The following KIRREL3 variants were observed in gnomAD, a reference collection of about 807,000 sequenced individuals.
KIRREL3 encodes the protein kirre like nephrin family adhesion molecule 3, also known as kin of IRRE-like protein 3.
KIRREL3 carries 36 observed loss-of-function variants against 89.7 expected under a neutral mutation model. The ratio of observed to expected loss-of-function variants is 0.40; its 90% CI spans 0.31 to 0.53. The LOEUF (loss-of-function observed/expected upper bound fraction) is 0.53. KIRREL3 is among the 20% of genes least tolerant of loss of function. The pLI, the probability that KIRREL3 is intolerant of heterozygous loss-of-function variation, is 0.49. For synonymous variants in KIRREL3, 445 were observed against 441.4 expected (o/e 1.01, Z -0.10); for missense variants, 864 against 1,056.6 (o/e 0.82, Z 2.53).
At chr11:126,634,304 C>T (rs1591847680) in intron 1 of KIRREL3, among the ~76,000 whole-genome samples, 1 of 152,224 alleles carries the variant, frequency 6.6e-6, no homozygotes, top group Admixed American at 6.5e-5. Flanking sequence ...ATGACATGCA[C>T]TTTCCATGCA....
intron 1 of KIRREL3, among the ~76,000 whole-genome samples, chr11:126,966,011 T>G (rs1015353768): frequency 6.6e-6 from 1 of 152,192 alleles, no homozygotes; most frequent in Non-Finnish European, 1.5e-5. Context: ...ACCATTTGGT[T>G]CACTTGAAAA....
chr11:126,907,238 G>C (rs908707154), intron 1 of KIRREL3, among the ~76,000 whole-genome samples: 37 of 152,210 alleles, frequency 2.4e-4, no homozygotes, highest in Non-Finnish European at 1.2e-4. Flanking sequence ...AGCTCCAGGT[G>C]CCTCCCAAGT....
At position 126,497,944 on chromosome 11, in the gene KIRREL3, C is replaced by T. The variant is rs546975359; in HGVS notation, c.433+23371G>A. 9.9e-5 allele frequency among the ~76,000 whole-genome samples: 15 copies of T among 151,024 alleles called. 1 individual carries two copies. In the South Asian group the frequency reaches 3.1e-3, roughly 31 times the overall value. ...TGATCCCCAGAGAGTTTGTGGGCCC[C>T]CGTGGAATACACACAGCCCCTTCCT... On this transcript the variant is annotated intron_variant, in intron 4 of 16. Coordinates refer to ENST00000525144, the MANE Select transcript of KIRREL3 (RefSeq NM_032531.4).
At chr11:126,425,342 G>A (rs537524961) in intron 16 of KIRREL3, among the ~76,000 whole-genome samples, 2 of 152,322 alleles carry the variant, frequency 1.3e-5, no homozygotes, top group East Asian at 3.9e-4. Flanking sequence ...AGGGTCATTT[G>A]AAAGTCAGGC....
At chr11:126,466,369 CG>C (rs1429005972) in intron 5 of KIRREL3, among the ~76,000 whole-genome samples, 1 of 152,218 alleles carries the variant, frequency 6.6e-6, no homozygotes, top group East Asian at 1.9e-4. Context: ...CCCTAGCTCG[CG>C]GGGGACCCCA....
rs1946437224 is a variant in KIRREL3 at position 126,903,139 on chromosome 11, GCA to G, written c.55+97314_55+97315del. ...TAGCTGTGGTAAAGCACTCTCTCAGGCACAAATATGCTTCTGATTTAAGAAAT... is the reference window on the plus strand; with the variant it reads ...TAGCTGTGGTAAAGCACTCTCTCAGGCAAATATGCTTCTGATTTAAGAAAT... On this transcript the variant is annotated intron_variant, in intron 1 of 16. Coordinates refer to ENST00000525144, the MANE Select transcript of KIRREL3 (RefSeq NM_032531.4). This position sits in a 1 kb window ranked among gnomAD's most constrained non-coding sequence, Gnocchi z 4.5. Among the ~76,000 whole-genome samples, 1 of 152,088 alleles carries G rather than the reference GCA, an allele frequency of 6.6e-6. No individual in the cohort carries two copies. The highest frequency in any genetic ancestry group is 6.5e-5 in the Admixed American group (1 of 15,272).
intron 1 of KIRREL3, among the ~76,000 whole-genome samples, chr11:126,937,934 ATGT>A (rs1283491448): frequency 6.6e-6 from 1 of 152,130 alleles, no homozygotes; most frequent in East Asian, 1.9e-4. Flanking sequence ...CACAGCAGTC[ATGT>A]TGGTACTGCC....
rs1026848907 is a variant in KIRREL3, at chr11:126,555,126, C to T, written c.133+7709G>A. On this transcript the variant is annotated intron_variant, in intron 2 of 16. Coordinates refer to ENST00000525144, the MANE Select transcript of KIRREL3 (RefSeq NM_032531.4). This position sits in a 1 kb window ranked among gnomAD's most constrained non-coding sequence, Gnocchi z 4.2. ...TGACACTGGACAAGAAGCTGGGTGC[C>T]GAGAGGGCAGGAGCTTGGACACTGC... Among the ~76,000 whole-genome samples, 2 of 152,126 alleles carry T rather than the reference C, an allele frequency of 1.3e-5. No individual in the cohort carries two copies. Among genetic ancestry groups the T allele is most frequent in the African/African-American group, 4.8e-5 (2 of 41,408 alleles).
rs1370666060 is a variant in KIRREL3, at chr11:126,569,454, G to A, written c.56-6542C>T. Reference sequence around the variant, plus strand: ...CCAGGACACATTAATAAATGTGACTGGTGTAAAGTCCAAGGCACAGACACT... The same window carrying A: ...CCAGGACACATTAATAAATGTGACTAGTGTAAAGTCCAAGGCACAGACACT... On this transcript the variant is annotated intron_variant, in intron 1 of 16. Coordinates refer to ENST00000525144, the MANE Select transcript of KIRREL3 (RefSeq NM_032531.4). This position sits in a 1 kb window ranked among gnomAD's most constrained non-coding sequence, Gnocchi z 6.5. Among the ~76,000 whole-genome samples, 2 of 152,172 alleles carry A rather than the reference G, an allele frequency of 1.3e-5. No individual in the cohort carries two copies. The highest frequency in any genetic ancestry group is 4.8e-5 in the African/African-American group (2 of 41,446).
At chr11:126,857,821 G>A (rs1944580955) in intron 1 of KIRREL3, among the ~76,000 whole-genome samples, 1 of 150,676 alleles carries the variant, frequency 6.6e-6, no homozygotes, top group Non-Finnish European at 1.5e-5. Context: ...CTAGCTGCCT[G>A]GGATGTGAAT....
At chr11:126,813,966 G>A (rs977955350) in intron 1 of KIRREL3, among the ~76,000 whole-genome samples, 68 of 152,240 alleles carry the variant, frequency 4.5e-4, no homozygotes, top group African/African-American at 1.4e-3. Flanking sequence ...TATCATCAGA[G>A]TAAACAGACA....
rs760539169 is a variant in KIRREL3, at chr11:126,783,812, T to C, written c.55+216643A>G. On this transcript the variant is annotated intron_variant, in intron 1 of 16. Transcript: ENST00000525144. The surrounding 1 kb of genome is among the most constrained non-coding windows in gnomAD (Gnocchi z 4.3). ...AGTGACTTCCTTCTAAAGAATACAG[T>C]GTGAAAGTGAGAGAAAAAGAGGAGC... is the stretch of plus-strand genomic sequence containing the variant. Among the ~76,000 whole-genome samples the C allele has an allele frequency of 1.3e-5, 2 of 152,010 alleles. No individual in the cohort carries two copies. Among genetic ancestry groups the C allele is most frequent in the Admixed American group, 6.6e-5 (1 of 15,254 alleles).
At chr11:126,479,153 G>A (rs922565368) in intron 4 of KIRREL3, among the ~76,000 whole-genome samples, 2 of 152,148 alleles carry the variant, frequency 1.3e-5, no homozygotes, top group Admixed American at 1.3e-4. Flanking sequence ...CAGACCCAGG[G>A]GCTCTGGGAG....
At chr11:126,958,983 A>T (rs1949003423) in intron 1 of KIRREL3, among the ~76,000 whole-genome samples, 1 of 152,094 alleles carries the variant, frequency 6.6e-6, no homozygotes, top group Non-Finnish European at 1.5e-5. Flanking sequence ...TGCTTTCCTC[A>T]ATGTGGATGG....
In KIRREL3 at chr11:126,441,525, C is replaced by T. The variant is rs778942344; in HGVS notation, c.1253-976G>A. On this transcript the variant is annotated intron_variant, in intron 10 of 16. Transcript: ENST00000525144. The surrounding 1 kb of genome is among the most constrained non-coding windows in gnomAD (Gnocchi z 5.0). ...GGTGGTTGAAGGATGGGAGTAGGGACGGAAACTGTCATGCTCCCTTTCCAA... is the reference window on the plus strand; with the variant it reads ...GGTGGTTGAAGGATGGGAGTAGGGATGGAAACTGTCATGCTCCCTTTCCAA... 5.3e-5 allele frequency among the ~76,000 whole-genome samples: 8 copies of T among 152,110 alleles called. No individual in the cohort carries two copies. Among genetic ancestry groups the T allele is most frequent in the Non-Finnish European group, 8.8e-5 (6 of 68,018 alleles).
At chr11:126,538,859 A>G (rs1846342752) in intron 2 of KIRREL3, among the ~76,000 whole-genome samples, 1 of 151,748 alleles carries the variant, frequency 6.6e-6, no homozygotes, top group South Asian at 2.1e-4. Context: ...TATGTGCAGA[A>G]GAAACTAGAA....
At position 126,969,843 on chromosome 11, in the gene KIRREL3, C is replaced by G. The variant is rs1468306012; in HGVS notation, c.55+30612G>C. ...GCAGACAGCCTTTCCCTTCTCTTCTCCTTTCTCTCTACTCTGCATGGAAAT... is the reference window on the plus strand; with the variant it reads ...GCAGACAGCCTTTCCCTTCTCTTCTGCTTTCTCTCTACTCTGCATGGAAAT... On this transcript the variant is annotated intron_variant, in intron 1 of 16. Transcript: ENST00000525144. The surrounding 1 kb of genome is among the most constrained non-coding windows in gnomAD (Gnocchi z 4.9). 6.6e-6 allele frequency among the ~76,000 whole-genome samples: 1 copy of G among 152,194 alleles called. No individual in the cohort carries two copies. Among genetic ancestry groups the G allele is most frequent in the African/African-American group, 2.4e-5 (1 of 41,444 alleles).
intron 1 of KIRREL3, among the ~76,000 whole-genome samples, chr11:126,961,569 A>T (rs1466027104): frequency 5.9e-5 from 9 of 152,260 alleles, no homozygotes; most frequent in Non-Finnish European, 1.3e-4. Context: ...AGGTTGGCTC[A>T]TGAGGTTTAA....
At position 126,817,014 on chromosome 11, in the gene KIRREL3, G is replaced by A. The variant is rs1173826258; in HGVS notation, c.55+183441C>T. ...GAAACACGTTACTTTAGGGAAGGAA[G>A]AACCTGTTGCATTAAAAATAGAGCT... On this transcript the variant is annotated intron_variant, in intron 1 of 16. Transcript: ENST00000525144. The surrounding 1 kb of genome is among the most constrained non-coding windows in gnomAD (Gnocchi z 5.7). Among the ~76,000 whole-genome samples the A allele has an allele frequency of 6.6e-6, 1 of 152,204 alleles. No individual in the cohort carries two copies. The highest frequency in any genetic ancestry group is 1.5e-5 in the Non-Finnish European group (1 of 68,042).
Sources: allele counts gnomAD v4.1 joint callset (sites outside exome capture counted in the v4.1 genomes callset), GRCh38; gene constraint gnomAD v4.1.1; non-coding constraint Gnocchi (gnomAD v3.1); transcripts MANE v1.5; gene names NCBI Gene and HGNC (gene_info 2026-07-23, HGNC 2026-07-21).